The following UBP1 variants were observed in gnomAD, a reference collection of about 807,000 sequenced individuals.
UBP1 encodes the protein upstream-binding protein 1.
Under a neutral mutation model 76.1 loss-of-function variants are expected in UBP1, and 22 were observed. The ratio of observed to expected loss-of-function variants is 0.29; its 90% confidence interval spans 0.21 to 0.41. The LOEUF (loss-of-function observed/expected upper bound fraction) is 0.41, where lower values mean the gene tolerates loss of function less well. UBP1 is among the 10% of genes least tolerant of loss of function. UBP1 has a pLI of 1.00. For synonymous variants in UBP1, 224 were observed against 237.1 expected, an observed-to-expected ratio of 0.94 and a Z score of 0.51; for missense variants, 436 against 668.1, an observed-to-expected ratio of 0.65 and a Z score of 3.83.
chr3:33,393,490 C>T, intron 13 of UBP1, 36 bp from the exon 14 acceptor site: 1 of 1,581,042 alleles, frequency 6.3e-7, no homozygotes, highest in Non-Finnish European at 8.6e-7. Context: ...AGCATTTTAA[C>T]AGTAATCTTT....
chr3:33,415,090 A>G (rs756353058), intron 3 of UBP1, among the ~76,000 whole-genome samples: 27 of 152,226 alleles, frequency 1.8e-4, no homozygotes, highest in Admixed American at 8.5e-4. Context: ...AAGCAGTCAT[A>G]CAACTTTACC....
intron 2 of UBP1, among the ~76,000 whole-genome samples, chr3:33,417,188 GT>G (rs931945175): frequency 3.9e-5 from 6 of 152,064 alleles, no homozygotes; most frequent in Non-Finnish European, 8.8e-5. Context: ...TAAATCATTG[GT>G]TTTCAGTATA....
chr3:33,399,195 C>T (rs1161613386), intron 11 of UBP1, among the ~76,000 whole-genome samples: 80 of 152,218 alleles, frequency 5.3e-4, no homozygotes, highest in Non-Finnish European at 1.5e-4. Context: ...TGATCCAGCA[C>T]TTCTCAGGAT....
chr3:33,400,039 G>A, intron 11 of UBP1, 150 bp downstream of exon 11: 1 of 442,226 alleles, frequency 2.3e-6, no homozygotes. Flanking sequence ...ATTCCTATTG[G>A]GGGATAGATA....
chr3:33,411,012 G>A (rs1050439662), intron 5 of UBP1, among the ~76,000 whole-genome samples: 4 of 151,324 alleles, frequency 2.6e-5, no homozygotes, highest in African/African-American at 9.7e-5. Flanking sequence ...GGCGGAGATT[G>A]CAGTGAGCCG....
intron 3 of UBP1, among the ~76,000 whole-genome samples, chr3:33,413,930 G>A (rs1575476168): frequency 6.6e-6 from 1 of 152,086 alleles, no homozygotes; most frequent in Non-Finnish European, 1.5e-5. Flanking sequence ...TAGCCAGCTC[G>A]TCTCCAGAAA....
chr3:33,435,081 A>G (rs1383692049), intron 1 of UBP1, among the ~76,000 whole-genome samples: 1 of 152,230 alleles, frequency 6.6e-6, no homozygotes, highest in Non-Finnish European at 1.5e-5. Context: ...CCCTTTACAG[A>G]AAGGTTTGCC....
At position 33,412,810 on chromosome 3, in the gene UBP1, T is replaced by C; in HGVS notation, c.360A>G (p.Val120=). The C allele has an allele frequency of 6.2e-7, 1 of 1,613,682 alleles. No individual in the cohort carries two copies. The highest frequency in any genetic ancestry group is 8.5e-7 in the Non-Finnish European group (1 of 1,179,552). Residue 120 remains valine (V), a synonymous_variant, in exon 4 of 16, where the codon GTA becomes GTG. Transcript: ENST00000283629. The part of the protein sequence containing the change: ...GKLVKSIIRV[V]FHDRRLQYTE... ...TGTATTGTAGCCGTCTGTCATGGAA[T>C]ACAACCCTTATGATGCTCTGTGGAA...
At chr3:33,436,439 C>T (rs920197941) in intron 1 of UBP1, among the ~76,000 whole-genome samples, 1 of 152,186 alleles carries the variant, frequency 6.6e-6, no homozygotes, top group African/African-American at 2.4e-5. Context: ...GGATGTACCT[C>T]CCATTTCAAA....
chr3:33,418,860 CAAAAAAAAAAAAAA>C (rs59774815), intron 2 of UBP1, among the ~76,000 whole-genome samples: 2 of 76,768 alleles, frequency 2.6e-5, no homozygotes, highest in African/African-American at 5.0e-5. Context: ...ACTCTGTCTC[CAAAAAAAAAAAAAA>C]AAAAAAAAAA....
chr3:33,405,550 G>T (rs2154056788), intron 8 of UBP1, among the ~76,000 whole-genome samples: 1 of 152,274 alleles, frequency 6.6e-6, no homozygotes, highest in East Asian at 1.9e-4. Flanking sequence ...TTGAGGCCAG[G>T]TATGGTGGCT....
chr3:33,411,711 T>TA (rs1559681001), intron 4 of UBP1, 24 bp from the exon 5 acceptor site: 2 of 1,578,042 alleles, frequency 1.3e-6, no homozygotes, highest in African/African-American at 2.7e-5. Context: ...AGAAGTTACA[T>TA]AAAAACATCC....
chr3:33,419,862 A>G (rs1032192687), intron 2 of UBP1, among the ~76,000 whole-genome samples: 2 of 152,246 alleles, frequency 1.3e-5, no homozygotes, highest in South Asian at 2.1e-4. Flanking sequence ...AGTATTAATG[A>G]AATATAAAGT....
chr3:33,438,042 A>G (rs2045230204), intron 1 of UBP1, among the ~76,000 whole-genome samples: 1 of 152,250 alleles, frequency 6.6e-6, no homozygotes, highest in South Asian at 2.1e-4. Context: ...TTATCCCTGT[A>G]AAGAGTACTG....
intron 1 of UBP1, among the ~76,000 whole-genome samples, chr3:33,430,909 T>A (rs1208007428): frequency 6.6e-6 from 1 of 152,036 alleles, no homozygotes; most frequent in Admixed American, 6.5e-5. Flanking sequence ...CTGATTTCTA[T>A]TTTCCTGACT....
chr3:33,396,359 T>G, intron 12 of UBP1, 79 bp from the exon 13 acceptor site: 2 of 1,049,896 alleles, frequency 1.9e-6, no homozygotes. Flanking sequence ...ACTACAGGAA[T>G]CTAAGTTCTA....
At position 33,432,223 on chromosome 3, in the gene UBP1, C is replaced by T. The variant is rs145597165; in HGVS notation, c.114-6482G>A. ...CTCATAAACTCAGCTACTAGGGAGG[C>T]AGAGGTAGGAGAATTACCTGAGCCT... On this transcript the variant is annotated intron_variant, in intron 1 of 15. Coordinates refer to ENST00000283629, the MANE Select transcript of UBP1 (RefSeq NM_014517.5). Among the ~76,000 whole-genome samples, 438 of 152,096 alleles carry T rather than the reference C, an allele frequency of 2.9e-3. 1 individual carries two copies. Among genetic ancestry groups the T allele is most frequent in the Non-Finnish European group, 5.1e-3 (349 of 68,004 alleles).
At chr3:33,410,886 A>G (rs1457428520) in intron 5 of UBP1, among the ~76,000 whole-genome samples, 8 of 152,076 alleles carry the variant, frequency 5.3e-5, no homozygotes. Flanking sequence ...AGTCTGGCCA[A>G]TATGGTGAAA....
intron 1 of UBP1, among the ~76,000 whole-genome samples, chr3:33,425,995 G>GAA (rs1559690403): frequency 9.6e-5 from 5 of 51,964 alleles, no homozygotes; most frequent in South Asian, 6.5e-4. Flanking sequence ...GGGCAGCTCT[G>GAA]AATATATATA....
Sources: gnomAD v4.1 joint callset for allele counts (sites outside exome capture counted in the v4.1 genomes callset) on GRCh38, gnomAD v4.1.1 for gene constraint, MANE v1.5 for transcripts, NCBI Gene and HGNC (gene_info 2026-07-23, HGNC 2026-07-21) for gene names.